The following CLVS1 variants were observed in gnomAD, a reference collection of about 807,000 sequenced individuals.
CLVS1 encodes the protein clavesin-1.
CLVS1 carries 10 observed loss-of-function variants against 33.1 expected under a neutral mutation model. The observed-to-expected ratio is 0.30, with a 90% CI of 0.19 to 0.51. The LOEUF (loss-of-function observed/expected upper bound fraction) is 0.51, where lower values mean the gene tolerates loss of function less well. CLVS1 is among the 20% of genes least tolerant of loss of function. The pLI is 0.97. For missense variants in CLVS1, 343 were observed against 433.4 expected, an observed-to-expected ratio of 0.79 and a Z score of 1.85; for synonymous variants, 163 against 166.1, an observed-to-expected ratio of 0.98 and a Z score of 0.14.
chr8:61,497,980 G>A (rs191098481), intron 5 of CLVS1, among the ~76,000 whole-genome samples: 502 of 152,030 alleles, frequency 3.3e-3, no homozygotes, highest in African/African-American at 0.012. Context: ...GTTTCGGTGG[G>A]TTTTGTCTGG....
intron 2 of CLVS1, among the ~76,000 whole-genome samples, chr8:61,145,405 T>A (rs1406154048): frequency 6.6e-6 from 1 of 152,194 alleles, no homozygotes; most frequent in Non-Finnish European, 1.5e-5. Context: ...TGGAGTGTGA[T>A]TGGTTTTCTG....
intron 1 of CLVS1, among the ~76,000 whole-genome samples, chr8:61,291,718 C>T (rs536314085): frequency 1.3e-5 from 2 of 152,268 alleles, no homozygotes; most frequent in Admixed American, 1.3e-4. Flanking sequence ...GCCTTCCTCT[C>T]TTCCTTCTTT....
At chr8:61,192,074 T>C (rs951900469) in intron 2 of CLVS1, among the ~76,000 whole-genome samples, 2 of 152,086 alleles carry the variant, frequency 1.3e-5, no homozygotes, top group Non-Finnish European at 2.9e-5. Flanking sequence ...GCCAAGACAA[T>C]CCTAAGCCAA....
intron 2 of CLVS1, among the ~76,000 whole-genome samples, chr8:61,351,422 A>G (rs1416350052): frequency 1.3e-5 from 2 of 152,118 alleles, no homozygotes; most frequent in Admixed American, 6.6e-5. Context: ...TGGAAAAGTA[A>G]CTGAATAGAG....
intron 2 of CLVS1, among the ~76,000 whole-genome samples, chr8:61,189,728 C>CTTGGATTGGATAAAACATATTGCATA (rs1210265551): frequency 6.6e-6 from 1 of 152,108 alleles, no homozygotes; most frequent in East Asian, 1.9e-4. Flanking sequence ...CAATCCTAGT[C>CTTGGATTGGATAAAACATATTGCATA]TTGGATAAAA....
chr8:61,211,170 G>A (rs1232055194), intron 2 of CLVS1, among the ~76,000 whole-genome samples: 4 of 152,112 alleles, frequency 2.6e-5, no homozygotes, highest in African/African-American at 9.7e-5. Context: ...GGGTGGTGGT[G>A]AGAAATGTGG....
intron 1 of CLVS1, among the ~76,000 whole-genome samples, chr8:61,102,099 T>A (rs1563403245): frequency 6.6e-6 from 1 of 152,162 alleles, no homozygotes. Context: ...TTCATATAAA[T>A]TTTGGGATCA....
intron 5 of CLVS1, among the ~76,000 whole-genome samples, chr8:61,497,203 A>G (rs569832373): frequency 2.0e-5 from 3 of 152,324 alleles, no homozygotes; most frequent in East Asian, 3.9e-4. Flanking sequence ...CACAGGACAC[A>G]GAAAAGTTGT....
intron 2 of CLVS1, among the ~76,000 whole-genome samples, chr8:61,237,999 A>G (rs1808604469): frequency 6.6e-6 from 1 of 152,100 alleles, no homozygotes; most frequent in Non-Finnish European, 1.5e-5. Context: ...AGCTAAAGAG[A>G]CAGTTTAATT....
In CLVS1 at chr8:61,376,481, C is replaced by T. The variant is rs773738545; in HGVS notation, c.456-124C>T. The T allele has an allele frequency of 4.1e-4, 324 of 798,106 alleles. 1 individual carries two copies. Among genetic ancestry groups the T allele is most frequent in the Non-Finnish European group, 5.8e-4 (290 of 499,558 alleles). The allele number at this position is 798,106 out of a possible 1,614,324, so 49.4% of individuals were successfully genotyped here. A position where few individuals can be genotyped will look rare whatever the true frequency, so the allele number is the denominator to read the frequency against. On this transcript the variant is annotated intron_variant, in intron 2 of 5. Coordinates refer to ENST00000325897, the MANE Select transcript of CLVS1 (RefSeq NM_173519.3). The stretch of plus-strand genomic sequence containing the variant: ...ATTTTCAGTCCCTTTGGGTACAGGA[C>T]GCCAGTGTGACCCTCCAGGCGGGGT...
the CLVS1 span, among the ~76,000 whole-genome samples, chr8:60,967,410 C>T: frequency 6.6e-6 from 1 of 152,152 alleles, no homozygotes; most frequent in East Asian, 1.9e-4. Context: ...CTGCACTGGG[C>T]GGTGAAGGAT....
the CLVS1 span, among the ~76,000 whole-genome samples, chr8:60,991,859 G>T: frequency 6.7e-6 from 1 of 149,192 alleles, no homozygotes; most frequent in Admixed American, 6.9e-5. Flanking sequence ...AGATTCTTTT[G>T]CCTCAGCCAC....
intron 2 of CLVS1, among the ~76,000 whole-genome samples, chr8:61,203,731 A>G (rs1327040133): frequency 2.0e-5 from 3 of 152,298 alleles, no homozygotes; most frequent in South Asian, 4.1e-4. Context: ...TCAACTTCCA[A>G]TTGATTATCT....
the CLVS1 span, among the ~76,000 whole-genome samples, chr8:60,967,965 G>T: frequency 2.6e-5 from 4 of 152,106 alleles, no homozygotes; most frequent in African/African-American, 4.8e-5. Flanking sequence ...TAGAGACAGG[G>T]TCTTGTTCTG....
At chr8:61,271,901 G>A (rs1359006675) in intron 2 of CLVS1, among the ~76,000 whole-genome samples, 88 of 151,334 alleles carry the variant, frequency 5.8e-4, no homozygotes, top group African/African-American at 1.9e-3. Flanking sequence ...TTTTGAGCCT[G>A]TGTGTGTCTC....
chr8:61,330,175 C>T (rs2129597139), intron 2 of CLVS1, among the ~76,000 whole-genome samples: 1 of 152,204 alleles, frequency 6.6e-6, no homozygotes, highest in East Asian at 1.9e-4. Context: ...TGTACCATCT[C>T]CAAGGCTGAG....
the CLVS1 span, among the ~76,000 whole-genome samples, chr8:60,979,767 C>A: frequency 1.3e-5 from 2 of 152,146 alleles, no homozygotes; most frequent in Non-Finnish European, 2.9e-5. Context: ...GAAGGCAGGT[C>A]TGATTTCTAG....
chr8:61,493,413 G>A (rs1425516953), intron 5 of CLVS1, among the ~76,000 whole-genome samples: 1 of 152,182 alleles, frequency 6.6e-6, no homozygotes, highest in Non-Finnish European at 1.5e-5. Flanking sequence ...GAATAAATGT[G>A]TATACCCAGC....
chr8:61,062,356 G>A (rs185870349), intron 1 of CLVS1, among the ~76,000 whole-genome samples: 5 of 152,342 alleles, frequency 3.3e-5, no homozygotes, highest in South Asian at 4.1e-4. Context: ...AAAGCCAGGC[G>A]TAGAGACAGG....
Sources: gnomAD v4.1 joint callset for allele counts (sites outside exome capture counted in the v4.1 genomes callset) on GRCh38, gnomAD v4.1.1 for gene constraint, MANE v1.5 for transcripts, NCBI Gene and HGNC (gene_info 2026-07-23, HGNC 2026-07-21) for gene names.